Variants in CCDC112 observed in about 807,000 individuals in gnomAD.
CCDC112 encodes coiled-coil domain containing 112.
Under a neutral mutation model 66.3 loss-of-function variants are expected in CCDC112, and 40 were observed. That is an observed-to-expected ratio of 0.60 (90% CI 0.47 to 0.79). The LOEUF (loss-of-function observed/expected upper bound fraction) is 0.79, where lower values mean the gene tolerates loss of function less well. CCDC112 is among the 30% of genes least tolerant of loss of function. The probability of loss-of-function intolerance (pLI) is 0.00; values close to 1 mark genes in which losing one functional copy is unlikely to be tolerated. For missense variants in CCDC112, 659 were observed against 603.8 expected, an observed-to-expected ratio of 1.09 and a Z score of -0.96; for synonymous variants, 214 against 197.2, an observed-to-expected ratio of 1.09 and a Z score of -0.71.
chr5:115,286,180 A>G lies in CCDC112; in HGVS notation c.118-1272T>C, dbSNP rs991385753. Among the ~76,000 whole-genome samples the G allele has an allele frequency of 3.3e-5, 5 of 152,330 alleles. No homozygotes were observed. The East Asian group carries it at 9.7e-4, about 29-fold the overall frequency. On this transcript the variant is annotated intron_variant, in intron 1 of 9. Transcript: ENST00000379611. ...TTTCATCATACCAAAAAGAAACCTC[A>G]TACCTATTAGAGGTCACTCCCCATT...
chr5:115,274,324 G>C (rs1326543728), intron 6 of CCDC112, among the ~76,000 whole-genome samples: 1 of 152,104 alleles, frequency 6.6e-6, no homozygotes, highest in Non-Finnish European at 1.5e-5. Flanking sequence ...ATAGTATCAA[G>C]GTTAAGAAAT....
At chr5:115,277,980 T>C (rs1344125784) in intron 3 of CCDC112, among the ~76,000 whole-genome samples, 1 of 152,174 alleles carries the variant, frequency 6.6e-6, no homozygotes, top group Non-Finnish European at 1.5e-5. Flanking sequence ...AGAAAAAGTT[T>C]ACCTATAGGT....
At chr5:115,287,157 G>A (rs1749708703) in intron 1 of CCDC112, among the ~76,000 whole-genome samples, 1 of 152,110 alleles carries the variant, frequency 6.6e-6, no homozygotes, top group African/African-American at 2.4e-5. Flanking sequence ...CAATGTATAG[G>A]GGTTTCAATT....
chr5:115,287,691 C>T (rs998120988), intron 1 of CCDC112, among the ~76,000 whole-genome samples: 5 of 129,532 alleles, frequency 3.9e-5, no homozygotes, highest in Non-Finnish European at 7.8e-5. Context: ...AACCAATCCC[C>T]TTTCCTTTTT....
Position 115,296,549 on chromosome 5 carries a change from C to T in CCDC112, c.-6G>A. The T allele has an allele frequency of 2.0e-6, 3 of 1,486,862 alleles. No homozygotes were observed. The highest frequency in any genetic ancestry group is 8.9e-7 in the Non-Finnish European group (1 of 1,121,388). The allele number at this position is 1,486,862 out of a possible 1,614,324, so 92.1% of individuals were successfully genotyped here. A position where few individuals can be genotyped will look rare whatever the true frequency, so the allele number is the denominator to read the frequency against. On this transcript the variant is annotated 5_prime_UTR_variant, in exon 1 of 10. Transcript: ENST00000379611. ...ACCGTCGTCAGTGCGGCCATGTTTA[C>T]CCGCCGAGCTACTCGGGCCGCGGCG...
At position 115,276,975 on chromosome 5, in the gene CCDC112, A is replaced by C. The variant is rs1307861480; in HGVS notation, c.441T>G (p.Pro147=). The change falls in exon 4 of 10, where the codon CCT becomes CCG. Residue 147 remains proline, a synonymous_variant. Coordinates refer to ENST00000379611, the MANE Select transcript of CCDC112 (RefSeq NM_001040440.3). Reference sequence around the variant, plus strand: ...TCTAAATTTACTTACAATCAGGTGTAGGCTTCACATCTTTTAATTGATGCT... The same window carrying C: ...TCTAAATTTACTTACAATCAGGTGTCGGCTTCACATCTTTTAATTGATGCT... ...KLQHQLKDVK[P]TPDFVEKLRE... The C allele has an allele frequency of 6.3e-7, 1 of 1,591,198 alleles. No individual in the cohort carries two copies. Among genetic ancestry groups the C allele is most frequent in the Admixed American group, 1.7e-5 (1 of 59,730 alleles).
chr5:115,294,746 T>C (rs1358578107), intron 1 of CCDC112, among the ~76,000 whole-genome samples: 1 of 152,210 alleles, frequency 6.6e-6, no homozygotes, highest in Non-Finnish European at 1.5e-5. Flanking sequence ...AGTTCGGTGT[T>C]AGGCTGTAGA....
intron 3 of CCDC112, among the ~76,000 whole-genome samples, chr5:115,278,970 T>C (rs1749325551): frequency 1.3e-5 from 2 of 152,158 alleles, no homozygotes; most frequent in Non-Finnish European, 2.9e-5. Context: ...TTTTACAACA[T>C]ACAGAATCTA....
At chr5:115,284,703 G>C (rs1749601587) in intron 2 of CCDC112, 84 bp downstream of exon 2, 1 of 1,077,174 alleles carries the variant, frequency 9.3e-7, no homozygotes, top group Non-Finnish European at 1.4e-6. Context: ...TGTGAGCCTA[G>C]GTAGGGTAGA....
Position 115,276,018 on chromosome 5 carries a change from G to T in CCDC112, c.503C>A (p.Thr168Asn), listed in dbSNP as rs1421355636. The T allele has an allele frequency of 1.2e-6, 2 of 1,604,746 alleles. No homozygotes were observed. Among genetic ancestry groups the T allele is most frequent in the Non-Finnish European group, 1.7e-6 (2 of 1,174,576 alleles). The change falls in exon 5 of 10, where the codon ACT becomes AAT. Residue 168 changes from threonine (T) to asparagine (N), a missense_variant. Thr to Asn is a moderately conservative substitution (Grantham distance 65). Transcript: ENST00000379611. ...CATCAACCTCTGCTCTTCTTTAAAA[G>T]TGTTAATTGCATTTTCAATTTCTTC... The part of the protein sequence containing the change: ...MMEEIENAIN[T>N]FKEEQRLIYE...
intron 8 of CCDC112, 88 bp downstream of exon 8, chr5:115,269,615 G>T: frequency 1.2e-6 from 1 of 855,212 alleles, no homozygotes; most frequent in Non-Finnish European, 1.8e-6. Context: ...AATAAGGTGA[G>T]ATATAAAGGA....
Position 115,284,813 on chromosome 5 carries a change from T to C in CCDC112, c.213A>G (p.Val71=). Residue 71 remains valine, a synonymous_variant, in exon 2 of 10, where the codon GTA becomes GTG. Coordinates refer to ENST00000379611, the MANE Select transcript of CCDC112 (RefSeq NM_001040440.3). ...GATTTTTAAATTTTTCTGCTGTGCGTACAAATTCTGCTTTCTTAGTCTGAT... is the reference window on the plus strand; with the variant it reads ...GATTTTTAAATTTTTCTGCTGTGCGCACAAATTCTGCTTTCTTAGTCTGAT... ...KVNQTKKAEF[V]RTAEKFKNQV... 6.2e-7 allele frequency: 1 copy of C among 1,609,182 alleles called. No individual in the cohort carries two copies. The highest frequency in any genetic ancestry group is 8.5e-7 in the Non-Finnish European group (1 of 1,175,738).
intron 1 of CCDC112, among the ~76,000 whole-genome samples, chr5:115,294,322 A>G (rs1029322885): frequency 1.3e-5 from 2 of 152,230 alleles, no homozygotes; most frequent in East Asian, 3.8e-4. Flanking sequence ...AAATGAGGTC[A>G]TTAAGGTGGG....
intron 1 of CCDC112, among the ~76,000 whole-genome samples, chr5:115,288,280 C>T (rs1249968085): frequency 1.3e-5 from 2 of 152,154 alleles, no homozygotes; most frequent in Non-Finnish European, 2.9e-5. Context: ...CGCACCCAGC[C>T]ACCATGTACT....
chr5:115,274,043 C>T (rs1482113180), intron 6 of CCDC112, among the ~76,000 whole-genome samples: 1 of 151,880 alleles, frequency 6.6e-6, no homozygotes, highest in Non-Finnish European at 1.5e-5. Context: ...TTGGGTATAC[C>T]ATCTATGGAA....
chr5:115,268,572 A>C (rs1219183561), intron 9 of CCDC112, among the ~76,000 whole-genome samples: 1 of 150,900 alleles, frequency 6.6e-6, no homozygotes, highest in East Asian at 1.9e-4. Context: ...CACCCGACCT[A>C]CTTTTACTTT....
At chr5:115,286,350 T>C (rs1007584573) in intron 1 of CCDC112, among the ~76,000 whole-genome samples, 1 of 152,208 alleles carries the variant, frequency 6.6e-6, no homozygotes, top group Admixed American at 6.5e-5. Context: ...TCAAGATTCA[T>C]CCGTGTTGTA....
At chr5:115,272,733 G>C (rs995006882) in intron 6 of CCDC112, among the ~76,000 whole-genome samples, 12 of 152,178 alleles carry the variant, frequency 7.9e-5, no homozygotes, top group African/African-American at 2.9e-4. Flanking sequence ...TTTCTTTATG[G>C]TGTATCATTC....
intron 1 of CCDC112, chr5:115,295,940 A>C: frequency 3.0e-6 from 3 of 985,966 alleles, no homozygotes; most frequent in Non-Finnish European, 3.6e-6. Flanking sequence ...AGCGGTCCTA[A>C]GCCGATCACT....
Sources: gnomAD v4.1 joint callset for allele counts (sites outside exome capture counted in the v4.1 genomes callset) on GRCh38, gnomAD v4.1.1 for gene constraint, MANE v1.5 for transcripts, NCBI Gene and HGNC (gene_info 2026-07-23, HGNC 2026-07-21) for gene names.